The following EPB41L3 variants were observed in gnomAD, a reference collection of about 807,000 sequenced individuals.
EPB41L3 encodes band 4.1-like protein 3.
A neutral mutation model predicts 127.1 loss-of-function variants in EPB41L3; 57 were observed. The ratio of observed to expected loss-of-function variants is 0.45; its 90% CI spans 0.36 to 0.56. The LOEUF (loss-of-function observed/expected upper bound fraction) is 0.56, where lower values mean the gene tolerates loss of function less well. Among genes scored for constraint, EPB41L3 ranks in the 20% least tolerant of loss-of-function variants. The probability of loss-of-function intolerance (pLI) is 0.00; values close to 1 mark genes in which losing one functional copy is unlikely to be tolerated. For missense variants in EPB41L3, 1,273 were observed against 1,372.2 expected, an observed-to-expected ratio of 0.93 and a Z score of 1.14; for synonymous variants, 572 against 549.5, an observed-to-expected ratio of 1.04 and a Z score of -0.57.
intron 5 of EPB41L3, among the ~76,000 whole-genome samples, chr18:5,441,174 G>A (rs2080666726): frequency 6.6e-6 from 1 of 152,182 alleles, no homozygotes; most frequent in Non-Finnish European, 1.5e-5. Context: ...TTACAGGCAT[G>A]AAGTTTTAGA....
chr18:5,579,690 C>A (rs2094372713), intron 3 of EPB41L3, among the ~76,000 whole-genome samples: 1 of 152,156 alleles, frequency 6.6e-6, no homozygotes, highest in Admixed American at 6.5e-5. Flanking sequence ...ATAGCCAGAG[C>A]TGATAAACTT....
intron 3 of EPB41L3, among the ~76,000 whole-genome samples, chr18:5,451,931 C>T (rs904239250): frequency 4.6e-5 from 7 of 152,248 alleles, no homozygotes; most frequent in Admixed American, 2.0e-4. Flanking sequence ...CTCTGCCTCC[C>T]GGGTCCAAGT....
chr18:5,398,688 G>A (rs977206203), intron 16 of EPB41L3: 15 of 399,464 alleles, frequency 3.8e-5, no homozygotes, highest in Middle Eastern at 1.2e-3. Context: ...AACGTAATGG[G>A]CAGTAGCAAC....
intron 5 of EPB41L3, among the ~76,000 whole-genome samples, chr18:5,438,779 G>A (rs1422904678): frequency 6.6e-6 from 1 of 152,106 alleles, no homozygotes; most frequent in Non-Finnish European, 1.5e-5. Flanking sequence ...TCCTCTTTAT[G>A]CTTTGCAATC....
At chr18:5,430,486 C>CA (rs915970634) in intron 8 of EPB41L3, among the ~76,000 whole-genome samples, 86 of 146,928 alleles carry the variant, frequency 5.9e-4, no homozygotes, top group Middle Eastern at 3.5e-3. Flanking sequence ...AATCGCACGG[C>CA]AAAAAAAAAT....
intron 1 of EPB41L3, among the ~76,000 whole-genome samples, chr18:5,501,910 G>C (rs1302512704): frequency 1.3e-5 from 2 of 152,328 alleles, no homozygotes; most frequent in Middle Eastern, 6.8e-3. Flanking sequence ...GTGCTGATGA[G>C]AGGATTCCTT....
rs1227631031 is a variant in EPB41L3 at position 5,492,482 on chromosome 18, T to C, written c.-11-3288A>G. On this transcript the variant is annotated intron_variant, in intron 1 of 22. Transcript: ENST00000341928. Reference sequence around the variant, plus strand: ...CTTTGGTTCTTTTTCTTATACTCATTCCTTGCTTTCTAGGATGGTGCTGCC... The same window carrying C: ...CTTTGGTTCTTTTTCTTATACTCATCCCTTGCTTTCTAGGATGGTGCTGCC... Among the ~76,000 whole-genome samples the C allele has an allele frequency of 1.3e-5, 2 of 151,708 alleles. 1 individual carries two copies. The highest frequency in any genetic ancestry group is 4.9e-5 in the African/African-American group (2 of 41,040).
In EPB41L3 at chr18:5,477,750, TACAATGCCCACC is replaced by T. The variant is rs529323982; in HGVS notation, c.381+479_381+490del. Reference sequence around the variant, plus strand: ...AGGGTATACCCTTTTACACCGAAACTACAATGCCCACCACAACGTGTCTTTTAAAAATTACTC... The same window carrying T: ...AGGGTATACCCTTTTACACCGAAACTACAACGTGTCTTTTAAAAATTACTC... On this transcript the variant is annotated intron_variant, in intron 3 of 22. Coordinates refer to ENST00000341928, the MANE Select transcript of EPB41L3 (RefSeq NM_012307.5). 1.1e-3 allele frequency among the ~76,000 whole-genome samples: 169 copies of T among 152,280 alleles called. 4 individuals are homozygous for T. In the East Asian group the frequency reaches 0.024, roughly 22 times the overall value.
chr18:5,442,947 C>A (rs2146246784), intron 5 of EPB41L3, among the ~76,000 whole-genome samples: 2 of 152,212 alleles, frequency 1.3e-5, no homozygotes, highest in Admixed American at 1.3e-4. Context: ...AACTGATTTC[C>A]ACTAAAGAGA....
At chr18:5,459,352 A>G (rs1043734724) in intron 3 of EPB41L3, among the ~76,000 whole-genome samples, 1 of 151,964 alleles carries the variant, frequency 6.6e-6, no homozygotes, top group Non-Finnish European at 1.5e-5. Flanking sequence ...TCTAGTAGGA[A>G]GCCAATTAAT....
chr18:5,607,332 C>A (rs1041919978), intron 3 of EPB41L3, among the ~76,000 whole-genome samples: 1 of 152,182 alleles, frequency 6.6e-6, no homozygotes, highest in African/African-American at 2.4e-5. Flanking sequence ...CAGTGTCAGG[C>A]GATGGAAAAC....
chr18:5,423,454 C>T lies in EPB41L3; in HGVS notation c.1263G>A (p.Ala421=), dbSNP rs200289520. The part of the protein sequence containing the change: ...RTQAQTRRAS[A]LIDRPAPYFE... ...AGTAAGGTGCTGGGCGATCTATCAA[C>T]GCACTGGCTCTTCTCGTTTGCGCTT... The change falls in exon 11 of 23, where the codon GCG becomes GCA. Residue 421 remains alanine, a synonymous_variant. Coordinates refer to ENST00000341928, the MANE Select transcript of EPB41L3 (RefSeq NM_012307.5). 8.5e-5 allele frequency: 137 copies of T among 1,613,958 alleles called. No homozygotes were observed. Among genetic ancestry groups the T allele is most frequent in the Non-Finnish European group, 1.0e-4 (118 of 1,179,912 alleles).
At chr18:5,558,711 A>T (rs1428300958) in intron 3 of EPB41L3, among the ~76,000 whole-genome samples, 1 of 152,194 alleles carries the variant, frequency 6.6e-6, no homozygotes, top group Non-Finnish European at 1.5e-5. Context: ...TACCCACTTC[A>T]TGGGGTTCTT....
At chr18:5,576,911 C>T (rs1382665082) in intron 3 of EPB41L3, among the ~76,000 whole-genome samples, 1 of 152,138 alleles carries the variant, frequency 6.6e-6, no homozygotes, top group African/African-American at 2.4e-5. Context: ...TTTAACCATC[C>T]CCTAAATTGA....
At chr18:5,394,879 G>T (rs2073089245) in intron 21 of EPB41L3, 86 bp from the exon 22 acceptor site, 4 of 1,286,054 alleles carry the variant, frequency 3.1e-6, no homozygotes, top group Non-Finnish European at 4.5e-6. Context: ...TTATGAGCTA[G>T]ATCTATATCC....
intron 16 of EPB41L3, among the ~76,000 whole-genome samples, chr18:5,403,883 A>T (rs1035801317): frequency 1.4e-4 from 22 of 152,340 alleles, no homozygotes; most frequent in African/African-American, 5.0e-4. Flanking sequence ...ATATATTTAT[A>T]AACCAGTATG....
At chr18:5,630,502 C>A (rs774695375), upstream of EPB41L3, 9 of 518,536 alleles carry the variant, frequency 1.7e-5, no homozygotes, top group East Asian at 4.9e-4. Context: ...ACAGGTCCCT[C>A]CGCAGGGGCT....
chr18:5,498,603 A>AAAAAAC lies in EPB41L3; in HGVS notation c.-11-9410_-11-9409insGTTTTT, dbSNP rs1474023630. ...GAGCGAGACTCCATCTCAAAAAAAA[A>AAAAAAC]AAAAAAAAGAAAATGGACTTCAGAA... On this transcript the variant is annotated intron_variant, in intron 1 of 22. Transcript: ENST00000341928. 2.6e-3 allele frequency among the ~76,000 whole-genome samples: 389 copies of AAAAAAC among 149,630 alleles called. 8 individuals carry two copies. The highest frequency in any genetic ancestry group is 9.2e-3 in the African/African-American group (374 of 40,814).
At chr18:5,455,868 C>G (rs1183164871) in intron 3 of EPB41L3, among the ~76,000 whole-genome samples, 1 of 150,802 alleles carries the variant, frequency 6.6e-6, no homozygotes, top group African/African-American at 2.4e-5. Context: ...TAAGCCAACG[C>G]ATGCAAAATG....
Sources: allele counts gnomAD v4.1 joint callset (sites outside exome capture counted in the v4.1 genomes callset), GRCh38; gene constraint gnomAD v4.1.1; transcripts MANE v1.5; gene names NCBI Gene and HGNC (gene_info 2026-07-23, HGNC 2026-07-21).